LRP2: variants seen among roughly 807,000 people sequenced by gnomAD.
LRP2 encodes low-density lipoprotein receptor-related protein 2.
A neutral mutation model predicts 531.0 loss-of-function variants in LRP2; 172 were observed. The observed-to-expected ratio is 0.32, with a 90% CI of 0.29 to 0.37. The LOEUF (loss-of-function observed/expected upper bound fraction) is 0.37, where lower values mean the gene tolerates loss of function less well. LRP2 is among the 10% of genes least tolerant of loss of function. The pLI is 1.00. For missense variants in LRP2, 5,167 were observed against 5,868.3 expected, an observed-to-expected ratio of 0.88 and a Z score of 3.90; for synonymous variants, 1,992 against 2,027.6, an observed-to-expected ratio of 0.98 and a Z score of 0.47.
At chr2:169,336,565 C>CACAT (rs1559081708) in intron 1 of LRP2, among the ~76,000 whole-genome samples, 1 of 151,506 alleles carries the variant, frequency 6.6e-6, no homozygotes, top group Non-Finnish European at 1.5e-5. Context: ...CACACACACA[C>CACAT]GCACAGAGGA....
chr2:169,314,438 T>A (rs1373605796), intron 3 of LRP2, among the ~76,000 whole-genome samples: 3 of 146,486 alleles, frequency 2.0e-5, no homozygotes, highest in East Asian at 2.0e-4. Context: ...AAAAAAAAAA[T>A]ATGTAAAAGA....
At chr2:169,191,445 C>G (rs539498853) in intron 48 of LRP2, among the ~76,000 whole-genome samples, 57 of 152,304 alleles carry the variant, frequency 3.7e-4, no homozygotes, top group Admixed American at 1.4e-3. Context: ...CTCCCTGGCC[C>G]TCTGTGCAAG....
chr2:169,361,687 C>T (rs1686169507), intron 1 of LRP2, among the ~76,000 whole-genome samples: 1 of 152,140 alleles, frequency 6.6e-6, no homozygotes. Flanking sequence ...CACAAAAGCC[C>T]CCAGCTCCCA....
At chr2:169,188,429 A>G (rs569831388) in intron 48 of LRP2, among the ~76,000 whole-genome samples, 164 bp from the exon 49 acceptor site, 2 of 152,186 alleles carry the variant, frequency 1.3e-5, no homozygotes, top group South Asian at 4.2e-4. Context: ...ATCTTCGTCT[A>G]CCCCACTAAT....
rs770438534 is a variant in LRP2 at position 169,175,190 on chromosome 2, C to T, written c.10768+3G>A. On this transcript the variant is annotated splice_donor_region_variant and intron_variant, in intron 55 of 78. Transcript: ENST00000649046. Reference sequence around the variant, plus strand: ...AAAAGAGGCATAAAGCGACTCAACACACCACAAAGAAGACGGTCTTCATCA... The same window carrying T: ...AAAAGAGGCATAAAGCGACTCAACATACCACAAAGAAGACGGTCTTCATCA... The T allele has an allele frequency of 3.7e-6, 6 of 1,614,086 alleles. No individual in the cohort carries two copies. In the South Asian group the frequency reaches 6.6e-5, roughly 18 times the overall value.
At chr2:169,256,304 A>G in intron 18 of LRP2, 68 bp from the exon 19 acceptor site, 1 of 1,309,622 alleles carries the variant, frequency 7.6e-7, no homozygotes, top group Non-Finnish European at 1.1e-6. Context: ...CACAAAGGGC[A>G]TCCAAAAACA....
At chr2:169,322,416 G>A (rs1456882303) in intron 1 of LRP2, among the ~76,000 whole-genome samples, 8 of 152,282 alleles carry the variant, frequency 5.3e-5, no homozygotes, top group East Asian at 1.9e-4. Flanking sequence ...ACAGGAGTAC[G>A]TACACCCAAA....
At chr2:169,316,046 G>A (rs1684755306) in intron 3 of LRP2, among the ~76,000 whole-genome samples, 1 of 151,370 alleles carries the variant, frequency 6.6e-6, no homozygotes, top group African/African-American at 2.4e-5. Flanking sequence ...AGGCTGAGAA[G>A]TGGGAGGACC....
chr2:169,175,063 G>T, intron 55 of LRP2, 130 bp downstream of exon 55: 1 of 801,660 alleles, frequency 1.2e-6, no homozygotes. Context: ...AAAAAGGATG[G>T]AGCCTGAGTT....
chr2:169,317,931 G>C (rs1247819653), intron 3 of LRP2, among the ~76,000 whole-genome samples: 1 of 151,998 alleles, frequency 6.6e-6, no homozygotes, highest in East Asian at 1.9e-4. Context: ...TTAAAAATTA[G>C]CTGGGCATGG....
chr2:169,180,755 G>A (rs1181910450), intron 52 of LRP2, among the ~76,000 whole-genome samples: 4 of 152,172 alleles, frequency 2.6e-5, no homozygotes, highest in African/African-American at 4.8e-5. Context: ...TTCCTGGATC[G>A]TTATCCATAA....
At chr2:169,343,659 C>T (rs958971794) in intron 1 of LRP2, among the ~76,000 whole-genome samples, 1 of 152,128 alleles carries the variant, frequency 6.6e-6, no homozygotes, top group Non-Finnish European at 1.5e-5. Flanking sequence ...GGAAAGCAGT[C>T]GAGCTAAATC....
chr2:169,238,433 G>T, intron 26 of LRP2, 131 bp from the exon 27 acceptor site: 1 of 690,814 alleles, frequency 1.4e-6, no homozygotes. Flanking sequence ...AAGTTGGTGG[G>T]GAGGGGAGGA....
At chr2:169,247,872 C>T (rs1203174533) in intron 19 of LRP2, among the ~76,000 whole-genome samples, 2 of 152,312 alleles carry the variant, frequency 1.3e-5, no homozygotes, top group Non-Finnish European at 2.9e-5. Flanking sequence ...CCCGCTAAAG[C>T]ACTCACCTGC....
intron 9 of LRP2, 136 bp downstream of exon 9, chr2:169,288,890 G>T: frequency 7.4e-7 from 1 of 1,357,042 alleles, no homozygotes; most frequent in Non-Finnish European, 1.0e-6. Flanking sequence ...CAGGTTTTCT[G>T]TGAGGTCTGG....
intron 76 of LRP2, among the ~76,000 whole-genome samples, chr2:169,136,430 CCT>C (rs1316886165): frequency 1.3e-5 from 2 of 152,116 alleles, no homozygotes; most frequent in East Asian, 3.9e-4. Context: ...CATCGCATCC[CCT>C]GTGACCTGCA....
rs201299366 is a variant in LRP2 at position 169,246,767 on chromosome 2, T to C, written c.3128A>G (p.Tyr1043Cys). The change falls in exon 21 of 79, where the codon TAT becomes TGT. Residue 1043 changes from tyrosine to cysteine, a missense_variant. Tyr to Cys is a radical substitution (Grantham distance 194). Around this residue, in one of 6 missense-constraint regions of LRP2, gnomAD observed 2,811 missense variants for 3,058.0 expected, o/e 0.92. Transcript: ENST00000649046. ...ACAATCATCGACTCCATCACAGAGA[T>C]AGTAATTGGGCACACATCTGCCATT... Reference protein sequence around the residue: ...CKNGRCVPNYYLCDGVDDCHD... With the variant: ...CKNGRCVPNYCLCDGVDDCHD... The C allele has an allele frequency of 6.7e-4, 1,075 of 1,614,166 alleles. 11 individuals carry two copies. The South Asian group carries it at 7.2e-3, about 11-fold the overall frequency.
rs1314743542 is a variant in LRP2 at position 169,132,700 on chromosome 2, C to T, written c.13621-19G>A. On this transcript the variant is annotated intron_variant, in intron 76 of 78. Coordinates refer to ENST00000649046, the MANE Select transcript of LRP2 (RefSeq NM_004525.3). Reference sequence around the variant, plus strand: ...CAGTCACCTGTGGACATGTTAAAGGCCTTTACCCAATTTTGAAAGAATTTA... The same window carrying T: ...CAGTCACCTGTGGACATGTTAAAGGTCTTTACCCAATTTTGAAAGAATTTA... 1 of 1,179,402 alleles carries T rather than the reference C, an allele frequency of 8.5e-7. No individual in the cohort carries two copies. Among genetic ancestry groups the T allele is most frequent in the Admixed American group, 1.7e-5 (1 of 59,414 alleles). The allele number at this position is 1,179,402 out of a possible 1,614,324, so 73.1% of individuals were successfully genotyped here.
chr2:169,347,694 A>G (rs1031590512), intron 1 of LRP2, among the ~76,000 whole-genome samples: 12 of 152,198 alleles, frequency 7.9e-5, no homozygotes, highest in Non-Finnish European at 1.8e-4. Flanking sequence ...GTCTTCTAGA[A>G]GGAAGTGGAA....
Sources: allele counts gnomAD v4.1 joint callset (sites outside exome capture counted in the v4.1 genomes callset), GRCh38; gene constraint gnomAD v4.1.1; regional missense constraint gnomAD v4.1.1; transcripts MANE v1.5; gene names NCBI Gene and HGNC (gene_info 2026-07-23, HGNC 2026-07-21).